Variants in SHISA8 observed in about 807,000 individuals in gnomAD.
SHISA8 encodes the protein shisa family member 8.
SHISA8 carries 21 observed loss-of-function variants against 21.1 expected under a neutral mutation model. The observed-to-expected ratio is 0.99, with a 90% confidence interval of 0.71 to 1.43. The LOEUF is 1.43. Ranked by LOEUF, SHISA8 falls within the 40% of genes most tolerant of loss-of-function variation. The probability of loss-of-function intolerance (pLI) is 0.00; values close to 1 mark genes in which losing one functional copy is unlikely to be tolerated. For missense variants in SHISA8, 535 were observed against 599.1 expected (o/e 0.89, Z 1.12); for synonymous variants, 300 against 291.4 (o/e 1.03, Z -0.30).
chr22:41,912,662 G>A lies in SHISA8; in HGVS notation c.531-1313C>T, dbSNP rs909004336. ...AATGAAGGGTGAGACTCGAGGGGAG[G>A]ACAGGGACTCAGGACACACCCACAC... On this transcript the variant is annotated intron_variant, in intron 1 of 3. Coordinates refer to ENST00000621082, the MANE Select transcript of SHISA8 (RefSeq NM_001207020.3). Among the ~76,000 whole-genome samples the A allele has an allele frequency of 7.7e-4, 118 of 152,274 alleles. 2 individuals carry two copies. The highest frequency in any genetic ancestry group is 2.1e-4 in the South Asian group (1 of 4,816).
rs774283718 is a variant in SHISA8 at position 41,914,196 on chromosome 22, C to G, written c.472G>C (p.Gly158Arg). Reference sequence around the variant, plus strand: ...GCCCTCTCCAGTCCCAGGCGCGCCCCGATGCCGGCCAGCACCAGCAGCGCT... The same window carrying G: ...GCCCTCTCCAGTCCCAGGCGCGCCCGGATGCCGGCCAGCACCAGCAGCGCT... ...VAALLVLAGI[G>R]ARLGLERAHS... The change falls in exon 1 of 4, where the codon GGG becomes CGG. Residue 158 changes from glycine to arginine, a missense_variant. Physicochemically the swap from Gly to Arg is moderately radical, Grantham distance 125. Transcript: ENST00000621082. This position sits in a 1 kb window ranked among gnomAD's most constrained non-coding sequence, Gnocchi z 6.8. The G allele has an allele frequency of 1.2e-4, 172 of 1,465,682 alleles. 2 individuals are homozygous for G. Among genetic ancestry groups the G allele is most frequent in the South Asian group, 5.4e-4 (41 of 76,442 alleles). 90.8% of individuals were successfully genotyped at this position (1,465,682 alleles called of 1,614,324 possible).
Position 41,909,718 on chromosome 22 carries a change from G to A in SHISA8, c.*47C>T. Reference sequence around the variant, plus strand: ...CTCCCTGTGGCCTGAGGCTCCGACGGGCAGACAGGACCCCAGCCCATGCCT... The same window carrying A: ...CTCCCTGTGGCCTGAGGCTCCGACGAGCAGACAGGACCCCAGCCCATGCCT... On this transcript the variant is annotated 3_prime_UTR_variant, in exon 4 of 4. Coordinates refer to ENST00000621082, the MANE Select transcript of SHISA8 (RefSeq NM_001207020.3). 7.3e-7 allele frequency: 1 copy of A among 1,360,922 alleles called. No homozygotes were observed. Among genetic ancestry groups the A allele is most frequent in the Non-Finnish European group, 9.5e-7 (1 of 1,057,726 alleles). 84.3% of individuals were successfully genotyped at this position (1,360,922 alleles called of 1,614,324 possible). A position where few individuals can be genotyped will look rare whatever the true frequency, so the allele number is the denominator to read the frequency against.
At chr22:41,912,021 G>A (rs961877823) in intron 1 of SHISA8, among the ~76,000 whole-genome samples, 7 of 152,214 alleles carry the variant, frequency 4.6e-5, no homozygotes, top group African/African-American at 7.2e-5. Flanking sequence ...GTGAGCCACC[G>A]CGCCCGGCCC....
rs970680902 is a variant in SHISA8 at position 41,914,288 on chromosome 22, G to A, written c.380C>T (p.Thr127Ile). The change falls in exon 1 of 4, where the codon ACC becomes ATC. Residue 127 changes from threonine to isoleucine, a missense_variant. By Grantham distance (89) the Thr-to-Ile change is moderately conservative. Coordinates refer to ENST00000621082, the MANE Select transcript of SHISA8 (RefSeq NM_001207020.3). This position sits in a 1 kb window ranked among gnomAD's most constrained non-coding sequence, Gnocchi z 6.8. ...TGRPPARARD[T>I]AAPRDPGRER... Reference sequence around the variant, plus strand: ...GCGGCCGGGGTCCCGGGGCGCTGCGGTGTCGCGGGCGCGGGCGGGCGGCCG... The same window carrying A: ...GCGGCCGGGGTCCCGGGGCGCTGCGATGTCGCGGGCGCGGGCGGGCGGCCG... The A allele has an allele frequency of 1.4e-5, 17 of 1,256,392 alleles. No individual in the cohort carries two copies. In the African/African-American group the frequency reaches 2.5e-4, roughly 18 times the overall value. The allele number at this position is 1,256,392 out of a possible 1,614,324, so 77.8% of individuals were successfully genotyped here.
chr22:41,909,963 G>T lies in SHISA8; in HGVS notation c.996C>A (p.Arg332=), dbSNP rs1279083814. ...PGPYAAWTSS[R]PARPAPLSHP... ...GGCTGAGCGGGGCGGGCCGGGCCGGGCGACTGGAGGTCCAGGCGGCATAGG... is the reference window on the plus strand; with the variant it reads ...GGCTGAGCGGGGCGGGCCGGGCCGGTCGACTGGAGGTCCAGGCGGCATAGG... The change falls in exon 4 of 4, where the codon CGC becomes CGA. Residue 332 remains arginine, a synonymous_variant. Coordinates refer to ENST00000621082, the MANE Select transcript of SHISA8 (RefSeq NM_001207020.3). 2 of 1,459,510 alleles carry T rather than the reference G, an allele frequency of 1.4e-6. No individual in the cohort carries two copies. The highest frequency in any genetic ancestry group is 2.5e-5 in the Admixed American group (1 of 39,468). 90.4% of individuals were successfully genotyped at this position (1,459,510 alleles called of 1,614,324 possible).
intron 2 of SHISA8, 61 bp downstream of exon 2, chr22:41,911,155 C>G (rs1350785787): frequency 1.6e-6 from 2 of 1,251,812 alleles, no homozygotes; most frequent in Admixed American, 4.2e-5. Context: ...GACCGCCTCT[C>G]GGCCTCTCAC....
In SHISA8 at chr22:41,914,776, C is replaced by CGGGA; in HGVS notation, c.-110_-109insTCCC. On this transcript the variant is annotated 5_prime_UTR_variant, in exon 1 of 4. Transcript: ENST00000621082. The surrounding 1 kb of genome is among the most constrained non-coding windows in gnomAD (Gnocchi z 6.8). ...GATCGCGCTGGCTCCCGGCGCACGC[C>CGGGA]GCCTCGGCCGTCGGCCTCCTCTGGG... 1 of 862,120 alleles carries CGGGA rather than the reference C, an allele frequency of 1.2e-6. No homozygotes were observed. The highest frequency in any genetic ancestry group is 1.4e-6 in the Non-Finnish European group (1 of 716,688). The allele number at this position is 862,120 out of a possible 1,614,324, so 53.4% of individuals were successfully genotyped here.
chr22:41,913,988 T>C (rs1371031673), intron 1 of SHISA8, 150 bp downstream of exon 1: 7 of 766,632 alleles, frequency 9.1e-6, no homozygotes, highest in East Asian at 3.7e-5. Flanking sequence ...TGATGAAGTG[T>C]TGGGGGGGCG....
chr22:41,913,882 C>A (rs1347834640), intron 1 of SHISA8, among the ~76,000 whole-genome samples: 1 of 152,090 alleles, frequency 6.6e-6, no homozygotes, highest in Admixed American at 6.6e-5. Flanking sequence ...CCCCCACCCC[C>A]CTGCCCTCCA....
chr22:41,912,047 C>G (rs1188017826), intron 1 of SHISA8, among the ~76,000 whole-genome samples: 1 of 152,198 alleles, frequency 6.6e-6, no homozygotes, highest in East Asian at 1.9e-4. Context: ...GCCTTATTTA[C>G]CTGCCTGCCT....
intron 1 of SHISA8, among the ~76,000 whole-genome samples, chr22:41,911,980 C>T (rs751948188): frequency 9.2e-5 from 14 of 152,240 alleles, no homozygotes; most frequent in Non-Finnish European, 1.8e-4. Context: ...CTCCGCCGGT[C>T]TCGGCCTCCC....
At chr22:41,913,440 C>G (rs2077564378) in intron 1 of SHISA8, among the ~76,000 whole-genome samples, 3 of 152,186 alleles carry the variant, frequency 2.0e-5, no homozygotes, top group Admixed American at 6.5e-5. Context: ...ACATAGAGTC[C>G]TAGAGTCCTC....
intron 1 of SHISA8, among the ~76,000 whole-genome samples, chr22:41,913,883 C>T (rs1450135556): frequency 6.6e-6 from 1 of 152,116 alleles, no homozygotes; most frequent in African/African-American, 2.4e-5. Context: ...CCCCACCCCC[C>T]TGCCCTCCAG....
chr22:41,914,434 G>C lies in SHISA8; in HGVS notation c.234C>G (p.Ser78=), dbSNP rs1463935587. The change falls in exon 1 of 4, where the codon TCC becomes TCG. Residue 78 remains serine (S), a synonymous_variant. Transcript: ENST00000621082. This position sits in a 1 kb window ranked among gnomAD's most constrained non-coding sequence, Gnocchi z 6.8. ...TGCCGCAGCAGAAGCTGTAGGCTCC[G>C]GAGCTGCAGTTGAAGGGCGGGTCCC... ...GQWDPPFNCS[S]GAYSFCCGTC... is the part of the protein sequence containing the mutation. 7.4e-7 allele frequency: 1 copy of C among 1,356,494 alleles called. No homozygotes were observed. The highest frequency in any genetic ancestry group is 9.5e-7 in the Non-Finnish European group (1 of 1,051,600). 84.0% of individuals were successfully genotyped at this position (1,356,494 alleles called of 1,614,324 possible).
At position 41,909,935 on chromosome 22, in the gene SHISA8, G is replaced by T; in HGVS notation, c.1024C>A (p.Pro342Thr). 6 of 1,519,650 alleles carry T rather than the reference G, an allele frequency of 3.9e-6. No homozygotes were observed. The highest frequency in any genetic ancestry group is 5.3e-6 in the Non-Finnish European group (6 of 1,139,862). The allele number at this position is 1,519,650 out of a possible 1,614,324, so 94.1% of individuals were successfully genotyped here. Residue 342 changes from proline to threonine, a missense_variant, in exon 4 of 4, where the codon CCG becomes ACG. Pro to Thr is a conservative substitution (Grantham distance 38, BLOSUM62 -1). Coordinates refer to ENST00000621082, the MANE Select transcript of SHISA8 (RefSeq NM_001207020.3). ...RPARPAPLSH[P>T]TARAFQVPRR... Reference sequence around the variant, plus strand: ...GGTACCTGGAAGGCCCGAGCCGTCGGGTGGCTGAGCGGGGCGGGCCGGGCC... The same window carrying T: ...GGTACCTGGAAGGCCCGAGCCGTCGTGTGGCTGAGCGGGGCGGGCCGGGCC...
intron 1 of SHISA8, among the ~76,000 whole-genome samples, chr22:41,912,157 C>T (rs1042001237): frequency 1.3e-5 from 2 of 152,170 alleles, no homozygotes; most frequent in African/African-American, 4.8e-5. Flanking sequence ...GTTGGGAGAC[C>T]CCCTGGTGGC....
In SHISA8 at chr22:41,914,229, C is replaced by T; in HGVS notation, c.439G>A (p.Gly147Ser). ...GCCAGCACCAGCAGCGCTGCGACGC[C>T]GCACACAGCGTAGACGGCCGTATGG... Reference protein sequence around the residue: ...RSHTAVYAVCGVAALLVLAGI... With the variant: ...RSHTAVYAVCSVAALLVLAGI... The change falls in exon 1 of 4, where the codon GGC becomes AGC. Residue 147 changes from glycine (G) to serine (S), a missense_variant. Coordinates refer to ENST00000621082, the MANE Select transcript of SHISA8 (RefSeq NM_001207020.3). The surrounding 1 kb of genome is among the most constrained non-coding windows in gnomAD (Gnocchi z 6.8). The T allele has an allele frequency of 2.1e-6, 3 of 1,444,806 alleles. No homozygotes were observed. Among genetic ancestry groups the T allele is most frequent in the Non-Finnish European group, 1.8e-6 (2 of 1,108,100 alleles). The allele number at this position is 1,444,806 out of a possible 1,614,324, so 89.5% of individuals were successfully genotyped here.
In SHISA8 at chr22:41,910,004, G is replaced by A. The variant is rs2077537403; in HGVS notation, c.955C>T (p.Pro319Ser). 1.5e-6 allele frequency: 2 copies of A among 1,293,084 alleles called. No individual in the cohort carries two copies. Among genetic ancestry groups the A allele is most frequent in the Non-Finnish European group, 1.9e-6 (2 of 1,028,252 alleles). The allele number at this position is 1,293,084 out of a possible 1,614,324, so 80.1% of individuals were successfully genotyped here. Residue 319 changes from proline (P) to serine (S), a missense_variant, in exon 4 of 4, where the codon CCT (proline) becomes TCT (serine). Pro to Ser is a moderately conservative substitution (Grantham distance 74, BLOSUM62 -1). Transcript: ENST00000621082. This position sits in a 1 kb window ranked among gnomAD's most constrained non-coding sequence, Gnocchi z 6.8. ...CPWAPPVYAP[P>S]AAPGPYAAWT... ...GCGGCATAGGGGCCCGGCGCGGCAG[G>A]GGGCGCGTAGACCGGCGGGGCCCAG... is the stretch of plus-strand genomic sequence containing the variant.
Position 41,914,336 on chromosome 22 carries a change from G to A in SHISA8, c.332C>T (p.Thr111Met). 1 of 1,250,774 alleles carries A rather than the reference G, an allele frequency of 8.0e-7. No individual in the cohort carries two copies. The highest frequency in any genetic ancestry group is 3.0e-5 in the South Asian group (1 of 33,154). The allele number at this position is 1,250,774 out of a possible 1,614,324, so 77.5% of individuals were successfully genotyped here. A position where few individuals can be genotyped will look rare whatever the true frequency, so the allele number is the denominator to read the frequency against. ...CCGGCCTGTCTGGACCCAGGCCGGC[G>A]TGTCGTAGTTGGAACAGCGGCTCTG... ...LDQSRCSNYD[T>M]PAWVQTGRPP... is the part of the protein sequence containing the mutation. The change falls in exon 1 of 4, where the codon ACG (threonine) becomes ATG (methionine). Residue 111 changes from threonine (T) to methionine (M), a missense_variant. By Grantham distance (81) the Thr-to-Met change is moderately conservative (BLOSUM62 -1). Transcript: ENST00000621082. This position sits in a 1 kb window ranked among gnomAD's most constrained non-coding sequence, Gnocchi z 6.8.
Sources: allele counts gnomAD v4.1 joint callset (sites outside exome capture counted in the v4.1 genomes callset), GRCh38; gene constraint gnomAD v4.1.1; non-coding constraint Gnocchi (gnomAD v3.1); transcripts MANE v1.5; gene names NCBI Gene and HGNC (gene_info 2026-07-23, HGNC 2026-07-21).